The following HELZ variants were observed in gnomAD, a reference collection of about 807,000 sequenced individuals.
HELZ encodes the protein helicase with zinc finger.
HELZ carries 23 observed loss-of-function variants against 218.2 expected under a neutral mutation model. The observed-to-expected ratio is 0.11, with a 90% CI of 0.08 to 0.15. The LOEUF (loss-of-function observed/expected upper bound fraction) is 0.15, where lower values mean the gene tolerates loss of function less well. HELZ is among the 10% of genes least tolerant of loss of function. HELZ has a pLI of 1.00. For synonymous variants in HELZ, 814 were observed against 829.4 expected (o/e 0.98, Z 0.32); for missense variants, 1,813 against 2,353.7 (o/e 0.77, Z 4.75).
chr17:67,134,770 A>G (rs899656350), intron 23 of HELZ, among the ~76,000 whole-genome samples: 1 of 152,156 alleles, frequency 6.6e-6, no homozygotes, highest in Non-Finnish European at 1.5e-5. Flanking sequence ...TGATTTAAAG[A>G]GTGCCATGTC....
intron 32 of HELZ, among the ~76,000 whole-genome samples, chr17:67,080,823 T>C (rs1290236207): frequency 6.6e-6 from 1 of 152,122 alleles, no homozygotes; most frequent in East Asian, 1.9e-4. Flanking sequence ...GGATGAGTCC[T>C]GAAGGATTTA....
chr17:67,089,688 G>C (rs1166211618), intron 31 of HELZ, among the ~76,000 whole-genome samples: 1 of 130,192 alleles, frequency 7.7e-6, no homozygotes, highest in Non-Finnish European at 1.6e-5. Flanking sequence ...GAGAGAGAGA[G>C]AGAGAGAGAG....
chr17:67,180,668 A>T (rs534517314), intron 12 of HELZ, among the ~76,000 whole-genome samples: 1 of 152,234 alleles, frequency 6.6e-6, no homozygotes, highest in African/African-American at 2.4e-5. Flanking sequence ...GTCTGAGCTC[A>T]GGAGTTCAAG....
chr17:67,075,481 ATATAAGT>A lies in HELZ; in HGVS notation c.*2764_*2770del, dbSNP rs1355841823. On this transcript the variant is annotated 3_prime_UTR_variant, in exon 33 of 33. Coordinates refer to ENST00000358691, the MANE Select transcript of HELZ (RefSeq NM_014877.4). The stretch of plus-strand genomic sequence containing the variant: ...TGCATATATAAGGGTTGAACCTAGC[ATATAAGT>A]TATGTTTCATAAATCTGATTTATGG... 2 of 152,190 alleles carry A rather than the reference ATATAAGT, an allele frequency of 1.3e-5. No homozygotes were observed. The highest frequency in any genetic ancestry group is 1.3e-4 in the Admixed American group (2 of 15,282). The allele number at this position is 152,190 out of a possible 1,614,324, so 9.4% of individuals were successfully genotyped here.
chr17:67,145,750 T>A lies in HELZ; in HGVS notation c.2762A>T (p.Asn921Ile). Residue 921 changes from asparagine (N) to isoleucine (I), a missense_variant, in exon 21 of 33, where the codon AAT becomes ATT. By Grantham distance (149) the Asn-to-Ile change is moderately radical (BLOSUM62 -3). This residue lies in a region of HELZ where 156 missense variants were observed against 274.4 expected (regional missense o/e 0.57). Coordinates refer to ENST00000358691, the MANE Select transcript of HELZ (RefSeq NM_014877.4). ...CAAAAAGAATTAAGGTACCTCTGCA[T>A]TATTATAAAAAGCTGTGCTATTTTT... ...QEKNSTAFYNNAEVFEVVERV... is the reference protein window; with the variant it reads ...QEKNSTAFYNIAEVFEVVERV... 1.9e-6 allele frequency: 3 copies of A among 1,606,344 alleles called. No individual in the cohort carries two copies. Among genetic ancestry groups the A allele is most frequent in the African/African-American group, 2.7e-5 (2 of 74,810 alleles).
chr17:67,143,083 T>C (rs1347023951), intron 21 of HELZ, among the ~76,000 whole-genome samples: 1 of 152,080 alleles, frequency 6.6e-6, no homozygotes, highest in Non-Finnish European at 1.5e-5. Context: ...TTAAAAATGA[T>C]AAAAAGAGGT....
chr17:67,157,948 CAAAAAT>C (rs1255521472), intron 17 of HELZ, among the ~76,000 whole-genome samples: 1 of 152,146 alleles, frequency 6.6e-6, no homozygotes, highest in African/African-American at 2.4e-5. Context: ...GAACCACACA[CAAAAAT>C]ATTTTCCCCT....
intron 31 of HELZ, among the ~76,000 whole-genome samples, chr17:67,090,433 A>T (rs561817780): frequency 4.6e-4 from 70 of 152,224 alleles, no homozygotes; most frequent in African/African-American, 1.7e-3. Context: ...ATAAATTGAG[A>T]AGTGTTCTAT....
At chr17:67,166,276 A>C (rs1042783435) in intron 15 of HELZ, among the ~76,000 whole-genome samples, 1 of 152,248 alleles carries the variant, frequency 6.6e-6, no homozygotes, top group African/African-American at 2.4e-5. Flanking sequence ...GAAAAGCAGT[A>C]GAATTCATTT....
intron 1 of HELZ, chr17:67,244,051 T>C: frequency 1.1e-6 from 1 of 881,948 alleles, no homozygotes; most frequent in Non-Finnish European, 1.4e-6. Context: ...TACAATGCTC[T>C]TAAAACTCAA....
chr17:67,225,183 G>A (rs886253804), intron 3 of HELZ: 6 of 356,398 alleles, frequency 1.7e-5, no homozygotes, highest in South Asian at 2.9e-5. Context: ...AAGGTTCATC[G>A]TGTGCCAGAT....
chr17:67,213,899 A>G (rs1309555882), intron 5 of HELZ, among the ~76,000 whole-genome samples: 1 of 152,218 alleles, frequency 6.6e-6, no homozygotes, highest in Non-Finnish European at 1.5e-5. Flanking sequence ...ACTGATATGT[A>G]AGAAAGCAAG....
intron 15 of HELZ, among the ~76,000 whole-genome samples, chr17:67,165,323 T>C (rs2039110434): frequency 6.6e-6 from 1 of 152,072 alleles, no homozygotes; most frequent in South Asian, 2.1e-4. Context: ...CCAGAAGAAA[T>C]GGAATGTGAG....
rs1567880054 is a variant in HELZ at position 67,193,949 on chromosome 17, C to T, written c.557+18G>A. ...AACAAGACATGTCATTGTTTAAAAA[C>T]AAAAAAATTCACATTACCTTTTACA... On this transcript the variant is annotated intron_variant, in intron 9 of 32. Transcript: ENST00000358691. 1.2e-6 allele frequency: 2 copies of T among 1,603,540 alleles called. No individual in the cohort carries two copies. Among genetic ancestry groups the T allele is most frequent in the South Asian group, 1.1e-5 (1 of 90,444 alleles).
intron 5 of HELZ, among the ~76,000 whole-genome samples, chr17:67,204,450 T>C (rs1038657490): frequency 6.6e-6 from 1 of 152,164 alleles, no homozygotes; most frequent in Non-Finnish European, 1.5e-5. Context: ...ACATGACAGT[T>C]TGTATTCTTT....
chr17:67,231,333 C>T (rs939765174), intron 3 of HELZ, among the ~76,000 whole-genome samples: 1 of 152,070 alleles, frequency 6.6e-6, no homozygotes, highest in African/African-American at 2.4e-5. Context: ...GTGGCTCACG[C>T]ATGTAATCCC....
At chr17:67,098,756 T>C (rs914165095) in intron 31 of HELZ, among the ~76,000 whole-genome samples, 2 of 151,896 alleles carry the variant, frequency 1.3e-5, no homozygotes, top group Non-Finnish European at 2.9e-5. Flanking sequence ...AAAGTAAAAA[T>C]AAAAATGTCC....
chr17:67,149,097 T>C (rs1348181373), intron 19 of HELZ, among the ~76,000 whole-genome samples: 3 of 152,224 alleles, frequency 2.0e-5, no homozygotes, highest in Non-Finnish European at 2.9e-5. Flanking sequence ...TGGTAGGACA[T>C]ACAGCCTACC....
At chr17:67,245,287 C>A, upstream of HELZ, 1 of 918,478 alleles carries the variant, frequency 1.1e-6, no homozygotes, top group Non-Finnish European at 1.3e-6. Context: ...CCTCCGGCCG[C>A]GCCTCCCGCC....
Sources: allele counts gnomAD v4.1 joint callset (sites outside exome capture counted in the v4.1 genomes callset), GRCh38; gene constraint gnomAD v4.1.1; regional missense constraint gnomAD v4.1.1; transcripts MANE v1.5; gene names NCBI Gene and HGNC (gene_info 2026-07-23, HGNC 2026-07-21).